The following LRP1B variants were observed in gnomAD, a reference collection of about 807,000 sequenced individuals.
The protein encoded by LRP1B is low-density lipoprotein receptor-related protein 1B.
In LRP1B, 217 loss-of-function variants were observed where a neutral mutation model predicts 556.6. The ratio of observed to expected loss-of-function variants is 0.39; its 90% CI spans 0.35 to 0.44. The LOEUF is 0.44. Among genes scored for constraint, LRP1B ranks in the 20% least tolerant of loss-of-function variants. The probability of loss-of-function intolerance (pLI) is 1.00; values close to 1 mark genes in which losing one functional copy is unlikely to be tolerated. For missense variants in LRP1B, 5,053 were observed against 5,620.8 expected (o/e 0.90, Z 3.23); for synonymous variants, 2,047 against 1,865.8 (o/e 1.10, Z -2.50).
chr2:141,925,202 A>C (rs555211304), intron 1 of LRP1B, among the ~76,000 whole-genome samples: 1 of 152,338 alleles, frequency 6.6e-6, no homozygotes, highest in East Asian at 1.9e-4. Flanking sequence ...CATTGTGCAC[A>C]TACCTGAATA....
At chr2:140,499,355 A>G (rs553536302) in intron 55 of LRP1B, among the ~76,000 whole-genome samples, 53 of 152,024 alleles carry the variant, frequency 3.5e-4, no homozygotes, top group African/African-American at 1.2e-3. Context: ...CAAGTTTGTT[A>G]TCATAGACAT....
rs76840739 is a variant in LRP1B, at chr2:140,264,051, G to A, written c.13247+6191C>T. Among the ~76,000 whole-genome samples the A allele has an allele frequency of 1.1e-3, 165 of 152,070 alleles. 1 individual carries two copies. Among genetic ancestry groups the A allele is most frequent in the Admixed American group, 2.4e-3 (37 of 15,260 alleles). ...TCAGCACATTTTGGTCTCTTCTCACGCCTCTCTTCTTGGCTTACAGATAGC... is the reference window on the plus strand; with the variant it reads ...TCAGCACATTTTGGTCTCTTCTCACACCTCTCTTCTTGGCTTACAGATAGC... On this transcript the variant is annotated intron_variant, in intron 86 of 90. Transcript: ENST00000389484.
intron 3 of LRP1B, among the ~76,000 whole-genome samples, chr2:141,266,323 C>CAAAAA (rs34877238): frequency 1.4e-5 from 1 of 73,284 alleles, no homozygotes; most frequent in Non-Finnish European, 2.6e-5. Flanking sequence ...GACTCTGTTT[C>CAAAAA]AAAAAAAAAA....
chr2:140,844,317 G>T (rs1692210024), intron 29 of LRP1B, among the ~76,000 whole-genome samples: 1 of 152,116 alleles, frequency 6.6e-6, no homozygotes, highest in Admixed American at 6.6e-5. Context: ...ACCCACCTCG[G>T]CCTCCCAAAG....
At chr2:141,143,224 C>G (rs1043630379) in intron 7 of LRP1B, among the ~76,000 whole-genome samples, 1 of 152,106 alleles carries the variant, frequency 6.6e-6, no homozygotes, top group South Asian at 2.1e-4. Flanking sequence ...CCACCGCACC[C>G]AGAGATCATC....
rs80103591 is a variant in LRP1B at position 140,295,605 on chromosome 2, G to A, written c.12967+2203C>T. On this transcript the variant is annotated intron_variant, in intron 84 of 90. Transcript: ENST00000389484. ...CCTGAGCCCTGAAGCTAAATTGGCT[G>A]GTTTGAATCTTGGCTCTCGCAAATG... Among the ~76,000 whole-genome samples, 1,510 of 152,246 alleles carry A rather than the reference G, an allele frequency of 9.9e-3. 11 individuals are homozygous for A. The highest frequency in any genetic ancestry group is 0.024 in the Middle Eastern group (7 of 294).
chr2:141,398,268 T>C (rs911817464), intron 3 of LRP1B, among the ~76,000 whole-genome samples: 1 of 152,150 alleles, frequency 6.6e-6, no homozygotes, highest in Non-Finnish European at 1.5e-5. Flanking sequence ...CTGATGTCAG[T>C]TGTAAAAGAA....
chr2:141,507,349 G>T (rs1300926118), intron 2 of LRP1B, among the ~76,000 whole-genome samples: 2 of 152,050 alleles, frequency 1.3e-5, no homozygotes, highest in African/African-American at 4.8e-5. Context: ...AAAAATTAAT[G>T]TATGCTAAAT....
intron 5 of LRP1B, among the ~76,000 whole-genome samples, chr2:141,237,146 T>C (rs1683673129): frequency 6.6e-6 from 1 of 152,198 alleles, no homozygotes; most frequent in Non-Finnish European, 1.5e-5. Flanking sequence ...TTGCAGTTAT[T>C]GTTGTATTGT....
At chr2:140,237,322 G>T (rs1680753588) in intron 89 of LRP1B, among the ~76,000 whole-genome samples, 1 of 150,858 alleles carries the variant, frequency 6.6e-6, no homozygotes, top group African/African-American at 2.4e-5. Flanking sequence ...CTTTATCCAT[G>T]TTGCCTCAAA....
At chr2:140,765,022 T>C (rs190627652) in intron 35 of LRP1B, among the ~76,000 whole-genome samples, 3 of 152,178 alleles carry the variant, frequency 2.0e-5, no homozygotes, top group East Asian at 1.9e-4. Context: ...AGAGACAGGG[T>C]CTCACTATAC....
intron 7 of LRP1B, among the ~76,000 whole-genome samples, chr2:141,100,147 A>T (rs190196271): frequency 6.6e-6 from 1 of 152,180 alleles, no homozygotes. Flanking sequence ...GTGAAACCTA[A>T]TATACCAGAC....
At chr2:140,612,713 T>C (rs1683112206) in intron 41 of LRP1B, among the ~76,000 whole-genome samples, 1 of 152,192 alleles carries the variant, frequency 6.6e-6, no homozygotes. Context: ...CAGACTATGA[T>C]AGCTGGCCTA....
intron 20 of LRP1B, among the ~76,000 whole-genome samples, chr2:140,928,828 C>T (rs891989490): frequency 3.1e-4 from 47 of 152,076 alleles, no homozygotes; most frequent in African/African-American, 9.4e-4. Context: ...AAAGAACACA[C>T]AGAAGGAATA....
rs202216492 is a variant in LRP1B at position 140,949,593 on chromosome 2, TTA to T, written c.3136+640_3136+641del. 5.4e-3 allele frequency among the ~76,000 whole-genome samples: 824 copies of T among 152,092 alleles called. 8 individuals carry two copies. Among genetic ancestry groups the T allele is most frequent in the African/African-American group, 0.019 (775 of 41,488 alleles). ...GTAAAATTATTCCTTTCTTTTTTTT[TTA>T]TATATTTTCTTTTTCACTGTTGAAA... On this transcript the variant is annotated intron_variant, in intron 20 of 90. Transcript: ENST00000389484.
chr2:140,442,653 G>A (rs752372731), intron 65 of LRP1B, 30 bp from the exon 66 acceptor site: 1 of 1,607,392 alleles, frequency 6.2e-7, no homozygotes, highest in Non-Finnish European at 8.5e-7. Context: ...TTAAAATGTA[G>A]CTTTGGAGAA....
intron 2 of LRP1B, among the ~76,000 whole-genome samples, chr2:141,481,299 C>T (rs1042154596): frequency 1.3e-5 from 2 of 152,132 alleles, no homozygotes; most frequent in Non-Finnish European, 1.5e-5. Flanking sequence ...GTTATTTTAT[C>T]TGAATTTCAG....
chr2:141,894,667 AGATCTAGATCTAGATCTAGATCG>A (rs1699390166), intron 1 of LRP1B, among the ~76,000 whole-genome samples: 1 of 147,806 alleles, frequency 6.8e-6, no homozygotes, highest in Non-Finnish European at 1.5e-5. Context: ...ATCTAGATCT[AGATCTAGATCTAGATCTAGATCG>A]AATTTAGGTG....
chr2:140,673,787 C>G (rs1685571000), intron 41 of LRP1B, among the ~76,000 whole-genome samples: 1 of 152,068 alleles, frequency 6.6e-6, no homozygotes, highest in African/African-American at 2.4e-5. Flanking sequence ...ATACATACCT[C>G]ACTATACCCT....
Sources: gnomAD v4.1 joint callset for allele counts (sites outside exome capture counted in the v4.1 genomes callset) on GRCh38, gnomAD v4.1.1 for gene constraint, MANE v1.5 for transcripts, NCBI Gene and HGNC (gene_info 2026-07-23, HGNC 2026-07-21) for gene names.